The following ATOH8 variants were observed in gnomAD, a reference collection of about 807,000 sequenced individuals.
ATOH8 encodes the protein transcription factor ATOH8.
Under a neutral mutation model 21.2 loss-of-function variants are expected in ATOH8, and 9 were observed. That is an observed-to-expected ratio of 0.42 (90% CI 0.26 to 0.74). The LOEUF (loss-of-function observed/expected upper bound fraction) is 0.74, where lower values mean the gene tolerates loss of function less well. Ranked by LOEUF, ATOH8 falls within the 30% of genes least tolerant of loss-of-function variation. The pLI, the probability that ATOH8 is intolerant of heterozygous loss-of-function variation, is 0.24. For synonymous variants in ATOH8, 253 were observed against 224.0 expected (o/e 1.13, Z -1.16); for missense variants, 524 against 470.9 (o/e 1.11, Z -1.04).
At chr2:85,776,911 T>C (rs1680342347) in intron 2 of ATOH8, among the ~76,000 whole-genome samples, 1 of 152,114 alleles carries the variant, frequency 6.6e-6, no homozygotes, top group Non-Finnish European at 1.5e-5. Context: ...CGCCTCGCTT[T>C]CCTGCCAGCC....
intron 1 of ATOH8, among the ~76,000 whole-genome samples, chr2:85,761,272 C>T (rs1679864785): frequency 6.6e-6 from 1 of 152,014 alleles, no homozygotes; most frequent in East Asian, 1.9e-4. Context: ...GATCTGGGGC[C>T]CAATATGTCA....
intron 2 of ATOH8, among the ~76,000 whole-genome samples, chr2:85,784,338 G>A (rs1046289188): frequency 5.9e-5 from 9 of 152,090 alleles, no homozygotes; most frequent in Admixed American, 4.6e-4. Flanking sequence ...GGGATTTCAA[G>A]ACCAGCCTGG....
chr2:85,766,806 A>G lies in ATOH8; in HGVS notation c.960+2624A>G, dbSNP rs1680029421. On this transcript the variant is annotated intron_variant, in intron 2 of 2. Coordinates refer to ENST00000306279, the MANE Select transcript of ATOH8 (RefSeq NM_032827.7). This position sits in a 1 kb window ranked among gnomAD's most constrained non-coding sequence, Gnocchi z 4.0. The stretch of plus-strand genomic sequence containing the variant: ...TCATAATTGCTAGCTGTCACCCTCC[A>G]TCTGTCTGTCTACCTGTCTTTCTCT... Among the ~76,000 whole-genome samples, 1 of 151,474 alleles carries G rather than the reference A, an allele frequency of 6.6e-6. No homozygotes were observed. Among genetic ancestry groups the G allele is most frequent in the African/African-American group, 2.4e-5 (1 of 41,164 alleles).
At chr2:85,777,192 A>T (rs1398147933) in intron 2 of ATOH8, among the ~76,000 whole-genome samples, 5 of 152,188 alleles carry the variant, frequency 3.3e-5, no homozygotes, top group Admixed American at 1.3e-4. Flanking sequence ...GAGCTAAACT[A>T]TAGAAAGGCT....
At chr2:85,786,848 G>A (rs756475277) in intron 2 of ATOH8, 37 bp from the exon 3 acceptor site, 32 of 1,613,670 alleles carry the variant, frequency 2.0e-5, no homozygotes, top group Admixed American at 1.3e-4. Context: ...ACCAGGTGGA[G>A]CAGGGGCAGC....
At chr2:85,772,573 TC>T in intron 2 of ATOH8, 1 of 390,804 alleles carries the variant, frequency 2.6e-6, no homozygotes, top group South Asian at 1.9e-5. Flanking sequence ...GCTGGCACAT[TC>T]CCCAGCTCTC....
In ATOH8 at chr2:85,786,983, C is replaced by T; in HGVS notation, c.*93C>T. The stretch of plus-strand genomic sequence containing the variant: ...AGCTCGCTGAGTCCAGCCTCGTGGT[C>T]TTCTCCAAGATGCCGCCAGATGCCC... On this transcript the variant is annotated 3_prime_UTR_variant, in exon 3 of 3. Coordinates refer to ENST00000306279, the MANE Select transcript of ATOH8 (RefSeq NM_032827.7). 4.5e-6 allele frequency: 7 copies of T among 1,559,764 alleles called. No individual in the cohort carries two copies. The highest frequency in any genetic ancestry group is 6.2e-6 in the Non-Finnish European group (7 of 1,136,070).
At chr2:85,760,148 T>C (rs1399663153) in intron 1 of ATOH8, among the ~76,000 whole-genome samples, 6 of 152,070 alleles carry the variant, frequency 3.9e-5, no homozygotes, top group Non-Finnish European at 8.8e-5. Context: ...GTGGAATGTT[T>C]TGGGGGCATA....
chr2:85,763,880 A>T (rs1679932953), intron 1 of ATOH8, 111 bp from the exon 2 acceptor site: 2 of 896,956 alleles, frequency 2.2e-6, no homozygotes, highest in East Asian at 2.7e-5. Context: ...CGTAGAGCAG[A>T]TCATAAGATT....
rs1037699827 is a variant in ATOH8, at chr2:85,774,608, G to A, written c.960+10426G>A. On this transcript the variant is annotated intron_variant, in intron 2 of 2. Transcript: ENST00000306279. ...TGCCCTGGCTGTCAGCCCCACCAGAGCCCCTCCTGGCTGCTCTGCTGAAAG... is the reference window on the plus strand; with the variant it reads ...TGCCCTGGCTGTCAGCCCCACCAGAACCCCTCCTGGCTGCTCTGCTGAAAG... 6 of 985,466 alleles carry A rather than the reference G, an allele frequency of 6.1e-6. No individual in the cohort carries two copies. The South Asian group carries it at 1.9e-4, about 31-fold the overall frequency. 61.0% of individuals were successfully genotyped at this position (985,466 alleles called of 1,614,324 possible).
At chr2:85,756,985 A>G (rs1285067724) in intron 1 of ATOH8, among the ~76,000 whole-genome samples, 1 of 152,218 alleles carries the variant, frequency 6.6e-6, no homozygotes, top group Non-Finnish European at 1.5e-5. Context: ...CAGTGTATCT[A>G]AGTAGAAGGC....
In ATOH8 at chr2:85,778,899, C is replaced by T. The variant is rs146882050; in HGVS notation, c.961-7986C>T. On this transcript the variant is annotated intron_variant, in intron 2 of 2. Transcript: ENST00000306279. ...GGCAGGTGAAGAGCAGAGCCTTTCT[C>T]GTGTGGCTGGGCCACCAGTCTGCCC... 2.0e-3 allele frequency among the ~76,000 whole-genome samples: 301 copies of T among 151,032 alleles called. 2 individuals carry two copies. The highest frequency in any genetic ancestry group is 7.2e-3 in the African/African-American group (288 of 40,278).
chr2:85,788,365 C>T lies in ATOH8; in HGVS notation c.*1475C>T, dbSNP rs1182921581. ...AGATAGGGGCCCCTATTATTAACCCCGTTTCACAGATGGGGTAACTGAGGC... is the reference window on the plus strand; with the variant it reads ...AGATAGGGGCCCCTATTATTAACCCTGTTTCACAGATGGGGTAACTGAGGC... On this transcript the variant is annotated 3_prime_UTR_variant, in exon 3 of 3. Transcript: ENST00000306279. Among the ~76,000 whole-genome samples, 6 of 152,058 alleles carry T rather than the reference C, an allele frequency of 3.9e-5. No homozygotes were observed. The highest frequency in any genetic ancestry group is 1.9e-4 in the East Asian group (1 of 5,170).
At chr2:85,774,278 AG>A in intron 2 of ATOH8, 1 of 985,580 alleles carries the variant, frequency 1.0e-6, no homozygotes, top group Non-Finnish European at 1.2e-6. Flanking sequence ...AGGCTTCCAG[AG>A]GACAAGAGGA....
At chr2:85,774,491 G>A (rs1328768495) in intron 2 of ATOH8, 12 of 985,348 alleles carry the variant, frequency 1.2e-5, no homozygotes, top group African/African-American at 1.7e-5. Flanking sequence ...CCCAGGATAA[G>A]TGTTTCTAGA....
chr2:85,788,821 C>T lies in ATOH8; in HGVS notation c.*1931C>T, dbSNP rs1680692187. ...TCTCAGGCTGGCCCTTTACCAAGGACCACAGTGTCCATGCTGTCTTGGATC... is the reference window on the plus strand; with the variant it reads ...TCTCAGGCTGGCCCTTTACCAAGGATCACAGTGTCCATGCTGTCTTGGATC... On this transcript the variant is annotated 3_prime_UTR_variant, in exon 3 of 3. Transcript: ENST00000306279. Among the ~76,000 whole-genome samples, 1 of 152,154 alleles carries T rather than the reference C, an allele frequency of 6.6e-6. No homozygotes were observed. Among genetic ancestry groups the T allele is most frequent in the African/African-American group, 2.4e-5 (1 of 41,436 alleles).
intron 2 of ATOH8, among the ~76,000 whole-genome samples, chr2:85,771,173 A>G (rs186224557): frequency 1.3e-5 from 2 of 152,292 alleles, no homozygotes; most frequent in Non-Finnish European, 2.9e-5. Flanking sequence ...AACGCACGCT[A>G]TGGCGGCCCT....
intron 2 of ATOH8, among the ~76,000 whole-genome samples, chr2:85,765,267 C>T (rs1047169813): frequency 1.3e-5 from 2 of 152,232 alleles, no homozygotes; most frequent in Non-Finnish European, 2.9e-5. Context: ...CTGGCCTGCC[C>T]CTCCCCCATC....
chr2:85,776,191 G>GA (rs1447807844), intron 2 of ATOH8, among the ~76,000 whole-genome samples: 2 of 152,182 alleles, frequency 1.3e-5, no homozygotes, highest in Non-Finnish European at 2.9e-5. Flanking sequence ...GTGGGGCTTG[G>GA]ACAGGCTGAA....
Sources: gnomAD v4.1 joint callset for allele counts (sites outside exome capture counted in the v4.1 genomes callset) on GRCh38, gnomAD v4.1.1 for gene constraint, Gnocchi (gnomAD v3.1) non-coding constraint, MANE v1.5 for transcripts, NCBI Gene and HGNC (gene_info 2026-07-23, HGNC 2026-07-21) for gene names.